The following ASCC1 variants were observed in gnomAD, a reference collection of about 807,000 sequenced individuals.
ASCC1 encodes activating signal cointegrator 1 complex subunit 1, also known as ASC-1 complex subunit P50.
Under a neutral mutation model 46.6 loss-of-function variants are expected in ASCC1, and 35 were observed. The observed-to-expected ratio is 0.75, with a 90% CI of 0.57 to 0.99. The LOEUF is 0.99. Among genes scored for constraint, ASCC1 ranks in the 50% least tolerant of loss-of-function variants. The probability of loss-of-function intolerance (pLI) is 0.00; values close to 1 mark genes in which losing one functional copy is unlikely to be tolerated. For missense variants in ASCC1, 376 were observed against 428.7 expected, an observed-to-expected ratio of 0.88 and a Z score of 1.09; for synonymous variants, 143 against 146.6, an observed-to-expected ratio of 0.98 and a Z score of 0.18.
intron 9 of ASCC1, among the ~76,000 whole-genome samples, chr10:72,121,063 A>G (rs1005300211): frequency 6.6e-6 from 1 of 152,228 alleles, no homozygotes; most frequent in African/African-American, 2.4e-5. Context: ...AAATACACCA[A>G]TTAAGAGACA....
chr10:72,187,816 G>A (rs987105309), intron 5 of ASCC1, among the ~76,000 whole-genome samples: 11 of 148,970 alleles, frequency 7.4e-5, no homozygotes, highest in Non-Finnish European at 1.3e-4. Context: ...TACAGTTAGA[G>A]GTGGTGGGCA....
chr10:72,204,539 A>G (rs1435480616), intron 3 of ASCC1: 1 of 1,549,654 alleles, frequency 6.5e-7, no homozygotes, highest in African/African-American at 1.4e-5. Context: ...TTCAGAGTCT[A>G]TAAAGCACTA....
At position 72,183,680 on chromosome 10, in the gene ASCC1, A is replaced by G. The variant is rs551436489; in HGVS notation, c.489+13131T>C. On this transcript the variant is annotated intron_variant, in intron 5 of 9. Coordinates refer to ENST00000672957, the MANE Select transcript of ASCC1 (RefSeq NM_001198800.3). ...AATGTTTTTCAATAAAAAATAAAAT[A>G]AAGAAACTATAAATGCCAGAAGACA... 2.6e-5 allele frequency among the ~76,000 whole-genome samples: 4 copies of G among 151,378 alleles called. No homozygotes were observed. In the South Asian group the frequency reaches 8.3e-4, roughly 31 times the overall value.
At chr10:72,124,827 C>T (rs1333180640) in intron 9 of ASCC1, among the ~76,000 whole-genome samples, 1 of 149,954 alleles carries the variant, frequency 6.7e-6, no homozygotes, top group Non-Finnish European at 1.5e-5. Context: ...ACTCATGCAT[C>T]CTCCTTTTGG....
intron 5 of ASCC1, chr10:72,190,524 G>C (rs1412517481): frequency 1.9e-6 from 3 of 1,562,528 alleles, no homozygotes; most frequent in Non-Finnish European, 2.6e-6. Flanking sequence ...GGTGGTTCTC[G>C]CAGGGCAGCT....
chr10:72,136,752 C>G (rs1007220802), intron 7 of ASCC1, among the ~76,000 whole-genome samples: 1 of 152,012 alleles, frequency 6.6e-6, no homozygotes, highest in African/African-American at 2.4e-5. Context: ...TCTAACACAA[C>G]GAGGGTCTGC....
At chr10:72,129,061 T>G (rs1845236400) in intron 8 of ASCC1, among the ~76,000 whole-genome samples, 1 of 152,200 alleles carries the variant, frequency 6.6e-6, no homozygotes, top group East Asian at 1.9e-4. Context: ...CCAGAATTGA[T>G]GAAATACATC....
rs111364150 is a variant in ASCC1, at chr10:72,138,964, A to C, written c.747-5783T>G. ...CTAAACTAATGCCTAATTGGCACAT[A>C]ATCAGTGCTCAACAGTCTTTACATG... is the stretch of plus-strand genomic sequence containing the variant. On this transcript the variant is annotated intron_variant, in intron 7 of 9. Transcript: ENST00000672957. Among the ~76,000 whole-genome samples, 137 of 152,258 alleles carry C rather than the reference A, an allele frequency of 9.0e-4. 2 individuals are homozygous for C. Among genetic ancestry groups the C allele is most frequent in the African/African-American group, 3.2e-3 (133 of 41,558 alleles).
At chr10:72,170,991 A>G (rs1297657909) in intron 5 of ASCC1, among the ~76,000 whole-genome samples, 1 of 152,140 alleles carries the variant, frequency 6.6e-6, no homozygotes, top group Non-Finnish European at 1.5e-5. Flanking sequence ...TAATTAAAAT[A>G]TTTTGAAATA....
intron 5 of ASCC1, among the ~76,000 whole-genome samples, chr10:72,165,362 C>A (rs1005086460): frequency 6.6e-6 from 1 of 152,140 alleles, no homozygotes; most frequent in Non-Finnish European, 1.5e-5. Context: ...GTGATCCACC[C>A]GCCTCAGCCT....
intron 6 of ASCC1, among the ~76,000 whole-genome samples, chr10:72,155,465 G>A (rs1015837191): frequency 5.3e-5 from 8 of 152,108 alleles, no homozygotes; most frequent in South Asian, 2.1e-4. Context: ...AATGTTCCAC[G>A]TCTTGATTTG....
At chr10:72,154,159 T>C (rs1175619506) in intron 6 of ASCC1, among the ~76,000 whole-genome samples, 3 of 152,212 alleles carry the variant, frequency 2.0e-5, no homozygotes, top group Non-Finnish European at 4.4e-5. Flanking sequence ...TCAACTTGTG[T>C]AACTGTTGAT....
At chr10:72,112,998 G>C (rs1265860024) in intron 9 of ASCC1, among the ~76,000 whole-genome samples, 1 of 149,948 alleles carries the variant, frequency 6.7e-6, no homozygotes, top group African/African-American at 2.5e-5. Context: ...ACATAAAAAA[G>C]ATAAGTATTT....
intron 4 of ASCC1, among the ~76,000 whole-genome samples, chr10:72,199,912 T>C (rs991837455): frequency 2.0e-5 from 3 of 151,930 alleles, no homozygotes; most frequent in Admixed American, 6.6e-5. Context: ...TTGTATTTTT[T>C]TGTAGAGATG....
At chr10:72,191,012 G>A (rs1854380362) in intron 5 of ASCC1, among the ~76,000 whole-genome samples, 2 of 120,744 alleles carry the variant, frequency 1.7e-5, no homozygotes, top group Non-Finnish European at 1.7e-5. Flanking sequence ...AAAAAAAAAA[G>A]GAAGTTAAAG....
intron 4 of ASCC1, among the ~76,000 whole-genome samples, chr10:72,201,164 G>A (rs549806811): frequency 6.6e-6 from 1 of 152,114 alleles, no homozygotes; most frequent in African/African-American, 2.4e-5. Flanking sequence ...GTGTGTGTGT[G>A]TATGACAGGG....
chr10:72,186,734 G>A (rs941092506), intron 5 of ASCC1, among the ~76,000 whole-genome samples: 2 of 151,974 alleles, frequency 1.3e-5, no homozygotes, highest in Non-Finnish European at 2.9e-5. Flanking sequence ...TATCAGGGCC[G>A]AATTTGAAGA....
chr10:72,128,251 T>C (rs1845127580), intron 8 of ASCC1, 84 bp from the exon 9 acceptor site: 5 of 1,196,414 alleles, frequency 4.2e-6, no homozygotes, highest in African/African-American at 1.5e-5. Context: ...TAGGTACGAC[T>C]AGCAAAATTT....
chr10:72,156,521 G>C (rs905961315), intron 6 of ASCC1, among the ~76,000 whole-genome samples: 1 of 152,124 alleles, frequency 6.6e-6, no homozygotes, highest in Non-Finnish European at 1.5e-5. Flanking sequence ...CCAGAACTTC[G>C]GGAGGCTAAG....
Sources: allele counts gnomAD v4.1 joint callset (sites outside exome capture counted in the v4.1 genomes callset), GRCh38; gene constraint gnomAD v4.1.1; transcripts MANE v1.5; gene names NCBI Gene and HGNC (gene_info 2026-07-23, HGNC 2026-07-21).